CRISPLD2: variants seen among roughly 807,000 people sequenced by gnomAD.
CRISPLD2 encodes cysteine rich secretory protein LCCL domain containing 2, also known as cysteine-rich secretory protein LCCL domain-containing 2.
A neutral mutation model predicts 71.1 loss-of-function variants in CRISPLD2; 47 were observed. The ratio of observed to expected loss-of-function variants is 0.66; its 90% CI spans 0.52 to 0.84. CRISPLD2 has a LOEUF of 0.84. Among genes scored for constraint, CRISPLD2 ranks in the 40% least tolerant of loss-of-function variants. The probability of loss-of-function intolerance (pLI) is 0.00; values close to 1 mark genes in which losing one functional copy is unlikely to be tolerated. For missense variants in CRISPLD2, 830 were observed against 651.1 expected (o/e 1.27, Z -2.99); for synonymous variants, 317 against 250.1 (o/e 1.27, Z -2.52).
chr16:84,888,327 A>G (rs1413456167), intron 13 of CRISPLD2, among the ~76,000 whole-genome samples: 2 of 152,234 alleles, frequency 1.3e-5, no homozygotes, highest in African/African-American at 4.8e-5. Context: ...TGAGCCCAGG[A>G]GTTCAGGACC....
In CRISPLD2 at chr16:84,833,507, C is replaced by T. The variant is rs375469564; in HGVS notation, c.-74-4915C>T. Among the ~76,000 whole-genome samples the T allele has an allele frequency of 9.5e-4, 144 of 152,292 alleles. 2 individuals are homozygous for T. In the South Asian group the frequency reaches 0.028, roughly 29 times the overall value. On this transcript the variant is annotated intron_variant, in intron 1 of 14. Coordinates refer to ENST00000262424, the MANE Select transcript of CRISPLD2 (RefSeq NM_031476.4). ...TCTCTCTAGGAGTGGCGCATGCACC[C>T]GGCCCTGCCTGGGAGCATCAGGGGT...
At position 84,867,094 on chromosome 16, in the gene CRISPLD2, G is replaced by A. The variant is rs1323787884; in HGVS notation, c.853+54G>A. The stretch of plus-strand genomic sequence containing the variant: ...TGCCCTCCCAGCCACCTCCAAAGGG[G>A]ACGGGGTGGGTGGAGGAGGGGAGCT... On this transcript the variant is annotated intron_variant, in intron 7 of 14. Coordinates refer to ENST00000262424, the MANE Select transcript of CRISPLD2 (RefSeq NM_031476.4). 4 of 1,578,580 alleles carry A rather than the reference G, an allele frequency of 2.5e-6. No homozygotes were observed. The South Asian group carries it at 3.4e-5, about 13-fold the overall frequency.
rs533087568 is a variant in CRISPLD2 at position 84,893,464 on chromosome 16, A to G, written c.1439+4101A>G. Among the ~76,000 whole-genome samples the G allele has an allele frequency of 9.2e-5, 14 of 152,200 alleles. No homozygotes were observed. In the East Asian group the frequency reaches 2.5e-3, roughly 27 times the overall value. ...TTTCATCCTTGCTTCCATCCTTCCA[A>G]CGCTCACTCCATGCAGGCATCATAC... On this transcript the variant is annotated intron_variant, in intron 14 of 14. Transcript: ENST00000262424.
At chr16:84,874,753 G>A (rs905589949) in intron 11 of CRISPLD2, among the ~76,000 whole-genome samples, 3 of 152,122 alleles carry the variant, frequency 2.0e-5, no homozygotes, top group Non-Finnish European at 4.4e-5. Context: ...ATTTAAACAC[G>A]GAGTGGAACA....
intron 1 of CRISPLD2, among the ~76,000 whole-genome samples, chr16:84,820,473 A>G (rs1341017407): frequency 1.3e-5 from 2 of 152,056 alleles, no homozygotes; most frequent in African/African-American, 4.8e-5. Flanking sequence ...CTGTGTTCGT[A>G]GTGGGTGTCA....
At chr16:84,904,739 G>C (rs1034661560) in intron 14 of CRISPLD2, among the ~76,000 whole-genome samples, 3 of 152,102 alleles carry the variant, frequency 2.0e-5, no homozygotes, top group African/African-American at 7.2e-5. Flanking sequence ...AATGATGCAA[G>C]GGCAATTAGA....
At chr16:84,835,187 T>C (rs1355664024) in intron 1 of CRISPLD2, among the ~76,000 whole-genome samples, 1 of 151,956 alleles carries the variant, frequency 6.6e-6, no homozygotes, top group Non-Finnish European at 1.5e-5. Flanking sequence ...ACCTCCCAGG[T>C]TCAAGCAATT....
intron 6 of CRISPLD2, 36 bp downstream of exon 6, chr16:84,854,865 T>G: frequency 1.3e-6 from 2 of 1,506,610 alleles, no homozygotes; most frequent in Non-Finnish European, 1.8e-6. Flanking sequence ...TGCAATGAAT[T>G]TGCCCTCAGT....
chr16:84,886,359 C>T (rs907692337), intron 13 of CRISPLD2, among the ~76,000 whole-genome samples: 14 of 152,134 alleles, frequency 9.2e-5, no homozygotes, highest in Admixed American at 2.0e-4. Flanking sequence ...GCAATGCTTC[C>T]GGGGCCCCCG....
chr16:84,822,577 G>A lies in CRISPLD2; in HGVS notation c.-75+2444G>A, dbSNP rs141531397. Among the ~76,000 whole-genome samples the A allele has an allele frequency of 1.9e-3, 287 of 152,236 alleles. 1 individual carries two copies. Among genetic ancestry groups the A allele is most frequent in the African/African-American group, 6.6e-3 (273 of 41,544 alleles). ...TTTTCTTTTTTCTTCTTTTGCAAAC[G>A]CACTGGTTTTTGATCAGTCCCAGAT... is the stretch of plus-strand genomic sequence containing the variant. On this transcript the variant is annotated intron_variant, in intron 1 of 14. Transcript: ENST00000262424.
chr16:84,840,319 C>A (rs182502354), intron 2 of CRISPLD2, among the ~76,000 whole-genome samples: 15 of 152,210 alleles, frequency 9.9e-5, no homozygotes, highest in African/African-American at 3.6e-4. Flanking sequence ...GACAGTAATC[C>A]TGGAAAATAG....
intron 10 of CRISPLD2, 40 bp downstream of exon 10, chr16:84,873,162 C>T (rs2071487004): frequency 1.3e-6 from 2 of 1,585,414 alleles, no homozygotes; most frequent in Non-Finnish European, 8.6e-7. Context: ...AACGGTTTTC[C>T]TGTTTATGAC....
chr16:84,866,125 C>T (rs1406441520), intron 6 of CRISPLD2, among the ~76,000 whole-genome samples: 1 of 152,026 alleles, frequency 6.6e-6, no homozygotes, highest in Non-Finnish European at 1.5e-5. Context: ...CCTTGTGCAC[C>T]GTGATGTGTG....
intron 13 of CRISPLD2, 108 bp from the exon 14 acceptor site, chr16:84,889,122 C>T: frequency 7.1e-7 from 1 of 1,407,840 alleles, no homozygotes; most frequent in Non-Finnish European, 1.0e-6. Flanking sequence ...TTGATGGGGT[C>T]CACATCCCAC....
At position 84,880,583 on chromosome 16, in the gene CRISPLD2, A is replaced by G. The variant is rs575919207; in HGVS notation, c.1304A>G (p.Asp435Gly). The G allele has an allele frequency of 3.7e-6, 6 of 1,613,234 alleles. No individual in the cohort carries two copies. The South Asian group carries it at 5.5e-5, about 15-fold the overall frequency. Residue 435 changes from aspartate (D) to glycine (G), a missense_variant and splice_region_variant, in exon 13 of 15, where the codon GAT becomes GGT. By Grantham distance (94) the Asp-to-Gly change is moderately conservative. Coordinates refer to ENST00000262424, the MANE Select transcript of CRISPLD2 (RefSeq NM_031476.4). ...APVFGTNIYA[D>G]TSSICKTAVH... ...GTGTTTGGAACCAACATCTATGCAG[A>G]TGTGAGTAGGATGCATTTTCAACAA... is the stretch of plus-strand genomic sequence containing the variant.
intron 2 of CRISPLD2, chr16:84,840,113 C>T (rs1368198950): frequency 6.6e-6 from 1 of 152,230 alleles, no homozygotes; most frequent in Non-Finnish European, 1.5e-5. Context: ...GCACCCATGG[C>T]CCCCTGCTGT....
chr16:84,864,606 CT>C (rs1835167435), intron 6 of CRISPLD2, among the ~76,000 whole-genome samples: 1 of 152,222 alleles, frequency 6.6e-6, no homozygotes, highest in Non-Finnish European at 1.5e-5. Context: ...AGAGTTCCCT[CT>C]TTGAATGTCT....
At position 84,850,575 on chromosome 16, in the gene CRISPLD2, G is replaced by C. The variant is rs199497599; in HGVS notation, c.500G>C (p.Trp167Ser). The C allele has an allele frequency of 6.2e-7, 1 of 1,613,914 alleles. No individual in the cohort carries two copies. Among genetic ancestry groups the C allele is most frequent in the Non-Finnish European group, 8.5e-7 (1 of 1,179,824 alleles). Residue 167 changes from tryptophan (W) to serine (S), a missense_variant, in exon 5 of 15, where the codon TGG (tryptophan) becomes TCG (serine). By Grantham distance (177) the Trp-to-Ser change is radical (BLOSUM62 -3). Transcript: ENST00000262424. ...CAAATGTCATCTTTTCAGATAGTTT[G>C]GGCCACCACCAACAAGATCGGTTGT... Reference protein sequence around the residue: ...PMCTHYTQIVWATTNKIGCAV... With the variant: ...PMCTHYTQIVSATTNKIGCAV...
intron 2 of CRISPLD2, among the ~76,000 whole-genome samples, chr16:84,844,229 T>A (rs1467033750): frequency 1.3e-5 from 2 of 152,226 alleles, no homozygotes; most frequent in African/African-American, 4.8e-5. Flanking sequence ...GGCCAGCCTG[T>A]CTTCAGAGTC....
Sources: gnomAD v4.1 joint callset for allele counts (sites outside exome capture counted in the v4.1 genomes callset) on GRCh38, gnomAD v4.1.1 for gene constraint, MANE v1.5 for transcripts, NCBI Gene and HGNC (gene_info 2026-07-23, HGNC 2026-07-21) for gene names.